ZFAND2B: variants seen among roughly 807,000 people sequenced by gnomAD.
ZFAND2B encodes the protein zinc finger AN1-type containing 2B.
In ZFAND2B, 27 loss-of-function variants were observed where a neutral mutation model predicts 38.2. That is an observed-to-expected ratio of 0.71 (90% CI 0.52 to 0.97). The LOEUF (loss-of-function observed/expected upper bound fraction) is 0.97, where lower values mean the gene tolerates loss of function less well. Ranked by LOEUF, ZFAND2B falls within the 50% of genes least tolerant of loss-of-function variation. The probability of loss-of-function intolerance (pLI) is 0.00; values close to 1 mark genes in which losing one functional copy is unlikely to be tolerated. For synonymous variants in ZFAND2B, 111 were observed against 119.4 expected (o/e 0.93, Z 0.46); for missense variants, 303 against 331.5 (o/e 0.91, Z 0.67).
At chr2:219,208,718 G>A (rs1950530242) in intron 7 of ZFAND2B, 79 bp downstream of exon 7, 1 of 1,511,004 alleles carries the variant, frequency 6.6e-7, no homozygotes, top group Non-Finnish European at 9.2e-7. Flanking sequence ...GGACCACTCT[G>A]ACACAATGCA....
intron 7 of ZFAND2B, 25 bp downstream of exon 7, chr2:219,208,664 A>C (rs1950528709): frequency 1.2e-6 from 2 of 1,613,352 alleles, no homozygotes; most frequent in Admixed American, 1.7e-5. Context: ...TGTGAAAGAG[A>C]GCGCAAGCTG....
chr2:219,207,529 A>C, intron 2 of ZFAND2B, 108 bp downstream of exon 2: 1 of 1,585,504 alleles, frequency 6.3e-7, no homozygotes. Context: ...TGAGGCTGTC[A>C]GTGCTGGGAA....
rs1253717594 is a variant in ZFAND2B at position 219,208,301 on chromosome 2, T to C, written c.480T>C (p.Thr160=). 1.2e-6 allele frequency: 2 copies of C among 1,614,088 alleles called. No homozygotes were observed. Among genetic ancestry groups the C allele is most frequent in the East Asian group, 2.2e-5 (1 of 44,898 alleles). Residue 160 remains threonine, a synonymous_variant, in exon 5 of 9, where the codon ACT becomes ACC. Coordinates refer to ENST00000289528, the MANE Select transcript of ZFAND2B (RefSeq NM_138802.3). ...CACAAGCTGTGGCTTCTACAAGCAC[T>C]GTCCCCAGCCCAAGTCAAACCATGC... ...SRAQAVASTS[T]VPSPSQTMPS... is the part of the protein sequence containing the mutation.
chr2:219,208,561 TC>T lies in ZFAND2B; in HGVS notation c.589-8del. 1.2e-6 allele frequency: 2 copies of T among 1,614,252 alleles called. No individual in the cohort carries two copies. Among genetic ancestry groups the T allele is most frequent in the Non-Finnish European group, 1.7e-6 (2 of 1,180,046 alleles). Reference sequence around the variant, plus strand: ...AGTCCAAGGACGCTGGTCTTCTTTCTCCCTTTGTAGAGTGAGGATGAAGCTC... The same window carrying T: ...AGTCCAAGGACGCTGGTCTTCTTTCTCCTTTGTAGAGTGAGGATGAAGCTC... On this transcript the variant is annotated splice_polypyrimidine_tract_variant and intron_variant, in intron 6 of 8. Transcript: ENST00000289528.
At chr2:219,207,497 TTTC>T (rs1185270782) in intron 2 of ZFAND2B, 76 bp downstream of exon 2, 1 of 1,584,818 alleles carries the variant, frequency 6.3e-7, no homozygotes, top group Non-Finnish European at 8.6e-7. Context: ...GTGTCTCACG[TTTC>T]TTCTCCCTTT....
In ZFAND2B at chr2:219,208,562, C is replaced by T. The variant is rs758208763; in HGVS notation, c.589-10C>T. 5.6e-6 allele frequency: 9 copies of T among 1,614,238 alleles called. No homozygotes were observed. The highest frequency in any genetic ancestry group is 7.6e-6 in the Non-Finnish European group (9 of 1,180,040). ...GTCCAAGGACGCTGGTCTTCTTTCT[C>T]CCTTTGTAGAGTGAGGATGAAGCTC... On this transcript the variant is annotated splice_polypyrimidine_tract_variant and intron_variant, in intron 6 of 8. Transcript: ENST00000289528.
intron 1 of ZFAND2B, 45 bp from the exon 2 acceptor site, chr2:219,207,282 A>G (rs753294127): frequency 1.3e-6 from 2 of 1,580,632 alleles, no homozygotes; most frequent in Admixed American, 1.7e-5. Context: ...AGAGAGAAGG[A>G]CATCGAGGTC....
In ZFAND2B at chr2:219,208,482, GC is replaced by G; in HGVS notation, c.586del (p.Leu196Ter). 6.2e-7 allele frequency: 1 copy of G among 1,614,262 alleles called. No individual in the cohort carries two copies. The highest frequency in any genetic ancestry group is 8.5e-7 in the Non-Finnish European group (1 of 1,180,044). On this transcript the variant is annotated frameshift_variant, in exon 6 of 9. Coordinates refer to ENST00000289528, the MANE Select transcript of ZFAND2B (RefSeq NM_138802.3). LOFTEE classifies it high-confidence loss of function. ...CCTCCAGTGATTGCTTTGCAGAATG[GC>G]CTGGTGAGTTGGGCAGAGGTTGGAT... ...TAPPVIALQN[G>X]LSEDEALQRA...
In ZFAND2B at chr2:219,206,976, C is replaced by T. The variant is rs771172669; in HGVS notation, c.-12C>T. ...TCGTCGCTTCTCCTAGCAGACCCTG[C>T]CCGGCTTGGCGATGGAGTTTCCGGA... On this transcript the variant is annotated 5_prime_UTR_variant, in exon 1 of 9. Transcript: ENST00000289528. 6.2e-7 allele frequency: 1 copy of T among 1,612,300 alleles called. No individual in the cohort carries two copies. The highest frequency in any genetic ancestry group is 2.2e-5 in the East Asian group (1 of 44,782).
chr2:219,208,512 C>T, intron 6 of ZFAND2B, 26 bp downstream of exon 6: 2 of 1,614,248 alleles, frequency 1.2e-6, no homozygotes, highest in South Asian at 2.2e-5. Context: ...GTTGGATGGA[C>T]AGAAACAAAC....
In ZFAND2B at chr2:219,207,629, C is replaced by T. The variant is rs756426896; in HGVS notation, c.151-19C>T. 4 of 1,613,908 alleles carry T rather than the reference C, an allele frequency of 2.5e-6. No homozygotes were observed. The highest frequency in any genetic ancestry group is 3.4e-6 in the Non-Finnish European group (4 of 1,179,838). On this transcript the variant is annotated intron_variant, in intron 2 of 8. Coordinates refer to ENST00000289528, the MANE Select transcript of ZFAND2B (RefSeq NM_138802.3). ...GGACTGGAGTGGGCCACAGACTGAC[C>T]CTTGCTCCTTGACTACAGGATATCC...
rs373239084 is a variant in ZFAND2B at position 219,208,594 on chromosome 2, G to A, written c.611G>A (p.Arg204Gln). Residue 204 changes from arginine to glutamine, a missense_variant, in exon 7 of 9, where the codon CGG becomes CAG. Physicochemically the swap from Arg to Gln is conservative, Grantham distance 43. Coordinates refer to ENST00000289528, the MANE Select transcript of ZFAND2B (RefSeq NM_138802.3). ...TAGAGTGAGGATGAAGCTCTGCAGC[G>A]GGCCCTGGAAATGTCCCTGGCAGAA... ...NGLSEDEALQRALEMSLAETK... is the reference protein window; with the variant it reads ...NGLSEDEALQQALEMSLAETK... 6.8e-6 allele frequency: 11 copies of A among 1,614,086 alleles called. No homozygotes were observed. The highest frequency in any genetic ancestry group is 3.3e-5 in the Admixed American group (2 of 60,010).
Position 219,208,413 on chromosome 2 carries a change from A to G in ZFAND2B, c.528-13A>G, listed in dbSNP as rs200148847. 10 of 1,614,006 alleles carry G rather than the reference A, an allele frequency of 6.2e-6. No homozygotes were observed. In the African/African-American group the frequency reaches 8.0e-5, roughly 13 times the overall value. ...CACACCTCTGACCTCCACCTCTTCA[A>G]TGTCTGTCGTAGAGCCACAACCCGA... On this transcript the variant is annotated splice_polypyrimidine_tract_variant and intron_variant, in intron 5 of 8. Transcript: ENST00000289528.
chr2:219,209,544 AG>A lies in ZFAND2B; in HGVS notation c.*239del, dbSNP rs1230630775. On this transcript the variant is annotated 3_prime_UTR_variant, in exon 9 of 9. Transcript: ENST00000289528. ...TGGATGCTGGCCAGGCCCTACTCTT[AG>A]CCCCTTCATCATGTCATCTCCCTTA... 1.4e-6 allele frequency: 1 copy of A among 700,472 alleles called. No homozygotes were observed. The highest frequency in any genetic ancestry group is 2.7e-6 in the Non-Finnish European group (1 of 375,650). The allele number at this position is 700,472 out of a possible 1,614,324, so 43.4% of individuals were successfully genotyped here. A position where few individuals can be genotyped will look rare whatever the true frequency, so the allele number is the denominator to read the frequency against.
Position 219,209,307 on chromosome 2 carries a change from G to C in ZFAND2B, c.*1G>C. On this transcript the variant is annotated 3_prime_UTR_variant, in exon 9 of 9. Transcript: ENST00000289528. ...GCCGTCCAACTGCAGCCTGTGCTAG[G>C]GCCCTGGGCTTGGGGAGGGAGGTTC... is the stretch of plus-strand genomic sequence containing the variant. 1 of 1,610,642 alleles carries C rather than the reference G, an allele frequency of 6.2e-7. No homozygotes were observed. The highest frequency in any genetic ancestry group is 8.5e-7 in the Non-Finnish European group (1 of 1,179,070).
Position 219,207,357 on chromosome 2 carries a change from C to G in ZFAND2B, c.86C>G (p.Ser29Ter). The change falls in exon 2 of 9, where the codon TCA becomes TGA. Residue 29 changes from serine to a stop codon, truncating the protein, a stop_gained. Transcript: ENST00000289528. LOFTEE classifies it high-confidence loss of function. ...DFLPLKCDAC[S>*]GIFCADHVAY... ...CTGCCGCTTAAGTGTGATGCCTGCTCAGGCATCTTCTGCGCAGACCATGTG... is the reference window on the plus strand; with the variant it reads ...CTGCCGCTTAAGTGTGATGCCTGCTGAGGCATCTTCTGCGCAGACCATGTG... The G allele has an allele frequency of 4.3e-6, 7 of 1,613,872 alleles. No homozygotes were observed. The highest frequency in any genetic ancestry group is 5.9e-6 in the Non-Finnish European group (7 of 1,179,754).
At position 219,208,455 on chromosome 2, in the gene ZFAND2B, C is replaced by T. The variant is rs764330940; in HGVS notation, c.557C>T (p.Ala186Val). Residue 186 changes from alanine (A) to valine (V), a missense_variant, in exon 6 of 9, where the codon GCC becomes GTC. Coordinates refer to ENST00000289528, the MANE Select transcript of ZFAND2B (RefSeq NM_138802.3). ...ACAACCCGATCTCCGTCCTGGACAGCCCCTCCAGTGATTGCTTTGCAGAAT... is the reference window on the plus strand; with the variant it reads ...ACAACCCGATCTCCGTCCTGGACAGTCCCTCCAGTGATTGCTTTGCAGAAT... Reference protein sequence around the residue: ...RATTRSPSWTAPPVIALQNGL... With the variant: ...RATTRSPSWTVPPVIALQNGL... 6.2e-7 allele frequency: 1 copy of T among 1,614,242 alleles called. No homozygotes were observed. The highest frequency in any genetic ancestry group is 8.5e-7 in the Non-Finnish European group (1 of 1,180,042).
At chr2:219,208,156 T>C (rs1391723922) in intron 4 of ZFAND2B, 100 bp from the exon 5 acceptor site, 10 of 1,595,884 alleles carry the variant, frequency 6.3e-6, no homozygotes, top group Non-Finnish European at 8.6e-6. Context: ...GGGAGTCTTT[T>C]AGCTTCCTTT....
At position 219,208,941 on chromosome 2, in the gene ZFAND2B, T is replaced by TA. The variant is rs560802582; in HGVS notation, c.657-35dup. 3.2e-3 allele frequency: 5,207 copies of TA among 1,607,112 alleles called. 13 individuals are homozygous for TA. Among genetic ancestry groups the TA allele is most frequent in the Non-Finnish European group, 4.1e-3 (4,844 of 1,173,676 alleles). On this transcript the variant is annotated intron_variant, in intron 7 of 8. Coordinates refer to ENST00000289528, the MANE Select transcript of ZFAND2B (RefSeq NM_138802.3). ...GATCAGATGTTCAAATTTCAGATCT[T>TA]ACCATCATCCAACTTAAACTGTTTC...
Sources: gnomAD v4.1 joint callset for allele counts on GRCh38, gnomAD v4.1.1 for gene constraint, MANE v1.5 for transcripts, NCBI Gene and HGNC (gene_info 2026-07-23, HGNC 2026-07-21) for gene names.